SRRM4: variants seen among roughly 807,000 people sequenced by gnomAD.
The protein encoded by SRRM4 is serine/arginine repetitive matrix 4.
In SRRM4, 33 loss-of-function variants were observed where a neutral mutation model predicts 68.9. The ratio of observed to expected loss-of-function variants is 0.48; its 90% confidence interval spans 0.36 to 0.64. The LOEUF (loss-of-function observed/expected upper bound fraction) is 0.64, where lower values mean the gene tolerates loss of function less well. Ranked by LOEUF, SRRM4 falls within the 30% of genes least tolerant of loss-of-function variation. SRRM4 has a pLI of 0.00. For synonymous variants in SRRM4, 318 were observed against 318.8 expected (o/e 1.00, Z 0.03); for missense variants, 817 against 827.1 (o/e 0.99, Z 0.15).
At chr12:119,108,806 T>G (rs1565909900) in intron 2 of SRRM4, among the ~76,000 whole-genome samples, 2 of 152,212 alleles carry the variant, frequency 1.3e-5, no homozygotes, top group Non-Finnish European at 2.9e-5. Flanking sequence ...AATTGGAGCA[T>G]TTAGCCCATT....
At chr12:119,116,890 G>A (rs1223373319) in intron 3 of SRRM4, 47 bp from the exon 4 acceptor site, 1 of 1,574,830 alleles carries the variant, frequency 6.3e-7, no homozygotes, top group East Asian at 2.2e-5. Flanking sequence ...AACCAACCTT[G>A]GCCTTTAAGA....
At position 119,156,602 on chromosome 12, in the gene SRRM4, G is replaced by A; in HGVS notation, c.1640G>A (p.Arg547His). The A allele has an allele frequency of 6.2e-7, 1 of 1,610,900 alleles. No individual in the cohort carries two copies. Among genetic ancestry groups the A allele is most frequent in the Non-Finnish European group, 8.5e-7 (1 of 1,179,570 alleles). Residue 547 changes from arginine to histidine, a missense_variant, in exon 13 of 13, where the codon CGC (arginine) becomes CAC (histidine). Arg to His is a conservative substitution (Grantham distance 29). Coordinates refer to ENST00000267260, the MANE Select transcript of SRRM4 (RefSeq NM_194286.4). ...YSSSSSRSAS[R>H]SYSRSRSRSR... is the part of the protein sequence containing the mutation. ...AGCAGCAGTAGCCGCTCGGCCAGCC[G>A]CAGCTACTCCCGGAGCCGGAGTCGG...
At chr12:119,043,807 C>CA (rs1953686826) in intron 1 of SRRM4, among the ~76,000 whole-genome samples, 4 of 151,430 alleles carry the variant, frequency 2.6e-5, no homozygotes, top group Admixed American at 2.6e-4. Flanking sequence ...CACACACACA[C>CA]AAGTCTTGGG....
At chr12:119,147,813 C>T (rs913042659) in intron 9 of SRRM4, among the ~76,000 whole-genome samples, 1 of 152,150 alleles carries the variant, frequency 6.6e-6, no homozygotes, top group Non-Finnish European at 1.5e-5. Context: ...CTTCGTCATC[C>T]GCTTAACTCT....
In SRRM4 at chr12:119,117,038, C is replaced by A. The variant is rs909672929; in HGVS notation, c.437+30C>A. The A allele has an allele frequency of 3.1e-6, 5 of 1,604,762 alleles. No individual in the cohort carries two copies. The African/African-American group carries it at 4.0e-5, about 13-fold the overall frequency. On this transcript the variant is annotated intron_variant, in intron 4 of 12. Coordinates refer to ENST00000267260, the MANE Select transcript of SRRM4 (RefSeq NM_194286.4). ...TGTCCTTTTTCTCTGCAAACAAGAC[C>A]TCCCCAGGTGGGGTGGGGAGGACAG...
At chr12:118,990,527 G>A (rs148299787) in intron 1 of SRRM4, among the ~76,000 whole-genome samples, 2 of 152,220 alleles carry the variant, frequency 1.3e-5, no homozygotes, top group African/African-American at 4.8e-5. Flanking sequence ...CTGATTGCTA[G>A]TATATTCTTC....
intron 1 of SRRM4, among the ~76,000 whole-genome samples, chr12:119,085,812 G>A (rs1391170067): frequency 1.3e-5 from 2 of 152,160 alleles, no homozygotes; most frequent in African/African-American, 2.4e-5. Flanking sequence ...CAATGGAGAT[G>A]GAGGCTGAGA....
intron 7 of SRRM4, among the ~76,000 whole-genome samples, chr12:119,129,052 G>A (rs1463798728): frequency 6.6e-6 from 1 of 152,158 alleles, no homozygotes; most frequent in Non-Finnish European, 1.5e-5. Context: ...TGAATCCCAG[G>A]CGCTAGTTCC....
chr12:119,005,464 T>C (rs1371664175), intron 1 of SRRM4, among the ~76,000 whole-genome samples: 2 of 152,142 alleles, frequency 1.3e-5, no homozygotes, highest in South Asian at 2.1e-4. Flanking sequence ...GACCTGGACA[T>C]TGGGATTTTC....
chr12:119,068,575 A>G (rs1400696187), intron 1 of SRRM4, among the ~76,000 whole-genome samples: 2 of 152,162 alleles, frequency 1.3e-5, no homozygotes, highest in African/African-American at 4.8e-5. Context: ...ATCACCTTGA[A>G]GAGCCGCTGT....
rs1954519759 is a variant in SRRM4 at position 119,162,335 on chromosome 12, T to A, written c.*5537T>A. ...TCTTGTATCCTGGGTTAAAGCCCTC[T>A]GTATTTAGTTTGAACTTCTCTCTAA... On this transcript the variant is annotated 3_prime_UTR_variant, in exon 13 of 13. Transcript: ENST00000267260. 1 of 152,250 alleles carries A rather than the reference T, an allele frequency of 6.6e-6. No homozygotes were observed. The highest frequency in any genetic ancestry group is 6.5e-5 in the Admixed American group (1 of 15,292). 9.4% of individuals were successfully genotyped at this position (152,250 alleles called of 1,614,324 possible).
intron 1 of SRRM4, among the ~76,000 whole-genome samples, chr12:118,998,267 G>GAAAAAAA: frequency 6.4e-5 from 2 of 31,248 alleles, no homozygotes; most frequent in Non-Finnish European, 1.3e-4. Context: ...GAGCAATATG[G>GAAAAAAA]CAAAAAAAAA....
chr12:119,088,702 A>T (rs1246327094), intron 1 of SRRM4, among the ~76,000 whole-genome samples: 3 of 152,052 alleles, frequency 2.0e-5, no homozygotes, highest in Non-Finnish European at 4.4e-5. Context: ...GGGGGGCCAC[A>T]AAAGGAGGTT....
rs1274967432 is a variant in SRRM4, at chr12:119,154,560, A to G, written c.1532+177A>G. 6.6e-6 allele frequency among the ~76,000 whole-genome samples: 1 copy of G among 152,124 alleles called. No homozygotes were observed. On this transcript the variant is annotated intron_variant, in intron 12 of 12. Coordinates refer to ENST00000267260, the MANE Select transcript of SRRM4 (RefSeq NM_194286.4). This position sits in a 1 kb window ranked among gnomAD's most constrained non-coding sequence, Gnocchi z 4.7. ...TTACGTGTCTGTTCAAAGCCTTGGG[A>G]CTGAGTCTCCCAGCTCAACCAGCAG...
intron 1 of SRRM4, among the ~76,000 whole-genome samples, chr12:119,017,940 G>A (rs1953491874): frequency 6.6e-6 from 1 of 152,176 alleles, no homozygotes; most frequent in Admixed American, 6.5e-5. Flanking sequence ...ACTTGGGCAG[G>A]TTAGTTAACC....
At chr12:119,044,417 A>G (rs1379683251) in intron 1 of SRRM4, among the ~76,000 whole-genome samples, 1 of 152,158 alleles carries the variant, frequency 6.6e-6, no homozygotes, top group Non-Finnish European at 1.5e-5. Context: ...CAGAGTTTTT[A>G]TTAAAGCTAA....
intron 1 of SRRM4, among the ~76,000 whole-genome samples, chr12:119,073,452 C>T (rs1379607418): frequency 2.0e-5 from 3 of 151,844 alleles, no homozygotes; most frequent in East Asian, 3.9e-4. Context: ...CTGAGCCTCC[C>T]GAGTAGCTGA....
chr12:119,109,408 A>C (rs1451439542), intron 2 of SRRM4, among the ~76,000 whole-genome samples: 1 of 152,170 alleles, frequency 6.6e-6, no homozygotes, highest in Non-Finnish European at 1.5e-5. Context: ...TATCCTGAAG[A>C]GTGTTTTCCA....
rs570060206 is a variant in SRRM4, at chr12:119,027,084, G to A, written c.131+45071G>A. ...ATGTCTGGGAGTGATGTCTGGGACTGCCTGGCATCTTGGAATCCCAAGGGG... is the reference window on the plus strand; with the variant it reads ...ATGTCTGGGAGTGATGTCTGGGACTACCTGGCATCTTGGAATCCCAAGGGG... On this transcript the variant is annotated intron_variant, in intron 1 of 12. Transcript: ENST00000267260. 5.3e-5 allele frequency among the ~76,000 whole-genome samples: 8 copies of A among 152,276 alleles called. No homozygotes were observed. The East Asian group carries it at 1.5e-3, about 29-fold the overall frequency.
Sources: allele counts gnomAD v4.1 joint callset (sites outside exome capture counted in the v4.1 genomes callset), GRCh38; gene constraint gnomAD v4.1.1; non-coding constraint Gnocchi (gnomAD v3.1); transcripts MANE v1.5; gene names NCBI Gene and HGNC (gene_info 2026-07-23, HGNC 2026-07-21).